Variants in VWF observed in about 807,000 individuals in gnomAD.
The protein encoded by VWF is Factor VIII related antigen.
In VWF, 176 loss-of-function variants were observed where a neutral mutation model predicts 308.6. The ratio of observed to expected loss-of-function variants is 0.57; its 90% confidence interval spans 0.50 to 0.65. The LOEUF (loss-of-function observed/expected upper bound fraction) is 0.65, where lower values mean the gene tolerates loss of function less well. VWF is among the 30% of genes least tolerant of loss of function. The pLI is 0.00. For missense variants in VWF, 3,146 were observed against 3,648.2 expected (o/e 0.86, Z 3.55); for synonymous variants, 1,385 against 1,443.4 (o/e 0.96, Z 0.92).
chr12:5,954,383 CT>C (rs1389821204), intron 47 of VWF, among the ~76,000 whole-genome samples: 1 of 152,296 alleles, frequency 6.6e-6, no homozygotes, highest in East Asian at 1.9e-4. Context: ...TTAAAGCCAA[CT>C]GTTCAAAAGC....
intron 3 of VWF, 22 bp downstream of exon 3, chr12:6,121,152 C>T (rs1945426636): frequency 6.2e-7 from 1 of 1,613,950 alleles, no homozygotes; most frequent in Admixed American, 1.7e-5. Context: ...CTGAAGTCCT[C>T]CCTGCAGTGC....
rs1943785534 is a variant in VWF at position 5,994,511 on chromosome 12, G to A, written c.6160C>T (p.His2054Tyr). ...GTGAATGTGAAGATGTGACCAAGGTGATTGAATCTGACCTCATGCATGATG... is the reference window on the plus strand; with the variant it reads ...GTGAATGTGAAGATGTGACCAAGGTAATTGAATCTGACCTCATGCATGATG... ...GAIMHEVRFN[H>Y]LGHIFTFTPQ... Residue 2054 changes from histidine (H) to tyrosine (Y), a missense_variant, in exon 36 of 52, where the codon CAC becomes TAC. Coordinates refer to ENST00000261405, the MANE Select transcript of VWF (RefSeq NM_000552.5). 6.2e-7 allele frequency: 1 copy of A among 1,614,086 alleles called. No individual in the cohort carries two copies. The highest frequency in any genetic ancestry group is 8.5e-7 in the Non-Finnish European group (1 of 1,179,952).
chr12:6,087,883 C>T (rs1305263448), intron 6 of VWF, among the ~76,000 whole-genome samples: 1 of 152,154 alleles, frequency 6.6e-6, no homozygotes, highest in Non-Finnish European at 1.5e-5. Flanking sequence ...GAATGATTCA[C>T]CACTCTACGG....
At chr12:5,985,157 A>G in intron 39 of VWF, 38 bp from the exon 40 acceptor site, 2 of 1,594,670 alleles carry the variant, frequency 1.3e-6, no homozygotes, top group Non-Finnish European at 1.7e-6. Flanking sequence ...CAGAGAAATT[A>G]GTGGTGGGAC....
intron 15 of VWF, 39 bp from the exon 16 acceptor site, chr12:6,052,822 T>C (rs1217451189): frequency 1.3e-6 from 2 of 1,598,306 alleles, no homozygotes; most frequent in Admixed American, 1.8e-5. Context: ...AGCGGGAATG[T>C]TGGACAGCAA....
chr12:6,057,459 C>T (rs967585622), intron 14 of VWF, among the ~76,000 whole-genome samples: 29 of 144,336 alleles, frequency 2.0e-4, no homozygotes, highest in South Asian at 1.3e-3. Context: ...ATTACAGGCG[C>T]GCCCCACCAC....
At chr12:6,036,750 G>T (rs1944341427) in intron 18 of VWF, among the ~76,000 whole-genome samples, 1 of 152,216 alleles carries the variant, frequency 6.6e-6, no homozygotes. Flanking sequence ...TAAAGACACT[G>T]ACTGCCCTCT....
At chr12:6,094,583 C>T (rs1945084235) in intron 6 of VWF, among the ~76,000 whole-genome samples, 1 of 152,192 alleles carries the variant, frequency 6.6e-6, no homozygotes, top group African/African-American at 2.4e-5. Flanking sequence ...TGTGTTGGAA[C>T]CTAAACCCCA....
chr12:6,102,875 G>A (rs1254049017), intron 5 of VWF, among the ~76,000 whole-genome samples: 1 of 152,178 alleles, frequency 6.6e-6, no homozygotes, highest in African/African-American at 2.4e-5. Context: ...CACAGAATTA[G>A]AAAATGCAAT....
chr12:5,986,215 C>T (rs2136376916), intron 38 of VWF, among the ~76,000 whole-genome samples: 1 of 152,298 alleles, frequency 6.6e-6, no homozygotes, highest in Non-Finnish European at 1.5e-5. Flanking sequence ...CCCCACAGCA[C>T]AAGGCTTTGA....
chr12:6,002,057 A>T (rs1339412414), intron 34 of VWF, among the ~76,000 whole-genome samples: 1 of 152,146 alleles, frequency 6.6e-6, no homozygotes, highest in Non-Finnish European at 1.5e-5. Context: ...ACTACATATC[A>T]GACTCATTGG....
intron 18 of VWF, among the ~76,000 whole-genome samples, chr12:6,040,736 C>G (rs1211165146): frequency 6.6e-6 from 1 of 152,166 alleles, no homozygotes; most frequent in African/African-American, 2.4e-5. Context: ...CATTCCCATG[C>G]CAGGAGACCT....
chr12:5,955,373 C>T (rs982055265), intron 47 of VWF, among the ~76,000 whole-genome samples: 2 of 151,912 alleles, frequency 1.3e-5, no homozygotes, highest in African/African-American at 4.8e-5. Flanking sequence ...CCCACTCCCC[C>T]CACCCCACAC....
chr12:6,104,934 G>A (rs921000237), intron 5 of VWF, among the ~76,000 whole-genome samples: 2 of 152,108 alleles, frequency 1.3e-5, no homozygotes, highest in African/African-American at 4.8e-5. Context: ...GAATGAAATC[G>A]CATCTTTTGC....
chr12:6,011,856 A>C lies in VWF; in HGVS notation c.5665-62T>G, dbSNP rs1591857865. ...GATGAGGTACTCCAACTCTAAGCCCATCTGCCAGACAACTGACCCCTAGAA... is the reference window on the plus strand; with the variant it reads ...GATGAGGTACTCCAACTCTAAGCCCCTCTGCCAGACAACTGACCCCTAGAA... On this transcript the variant is annotated intron_variant, in intron 33 of 51. Coordinates refer to ENST00000261405, the MANE Select transcript of VWF (RefSeq NM_000552.5). 9.6e-6 allele frequency: 14 copies of C among 1,453,438 alleles called. No individual in the cohort carries two copies. The East Asian group carries it at 2.3e-4, about 24-fold the overall frequency. 90.0% of individuals were successfully genotyped at this position (1,453,438 alleles called of 1,614,324 possible). A position where few individuals can be genotyped will look rare whatever the true frequency, so the allele number is the denominator to read the frequency against.
intron 47 of VWF, among the ~76,000 whole-genome samples, chr12:5,964,271 CAT>C (rs1943369142): frequency 7.6e-6 from 1 of 132,232 alleles, no homozygotes; most frequent in African/African-American, 4.0e-5. Flanking sequence ...TACATACATA[CAT>C]GCATACATAC....
chr12:6,105,014 T>C (rs1388957211), intron 5 of VWF, among the ~76,000 whole-genome samples: 1 of 152,190 alleles, frequency 6.6e-6, no homozygotes, highest in Non-Finnish European at 1.5e-5. Context: ...ATATGACATG[T>C]TCTCACCAAA....
intron 2 of VWF, among the ~76,000 whole-genome samples, chr12:6,122,552 C>T (rs1945443589): frequency 6.6e-6 from 1 of 152,130 alleles, no homozygotes; most frequent in African/African-American, 2.4e-5. Context: ...TTTTCCCAGA[C>T]TCACCTGTGG....
intron 1 of VWF, 127 bp downstream of exon 1, chr12:6,124,294 G>A (rs1037505218): frequency 6.6e-6 from 1 of 152,416 alleles, no homozygotes; most frequent in Non-Finnish European, 1.5e-5. Flanking sequence ...TGGCTGAATT[G>A]AATTGCCCCT....
Sources: allele counts gnomAD v4.1 joint callset (sites outside exome capture counted in the v4.1 genomes callset), GRCh38; gene constraint gnomAD v4.1.1; transcripts MANE v1.5; gene names NCBI Gene and HGNC (gene_info 2026-07-23, HGNC 2026-07-21).